The following RANBP2 variants were observed in gnomAD, a reference collection of about 807,000 sequenced individuals.
RANBP2 encodes the protein RAN binding protein 2.
In RANBP2, 57 loss-of-function variants were observed where a neutral mutation model predicts 303.6. That is an observed-to-expected ratio of 0.19 (90% CI 0.15 to 0.23). The LOEUF (loss-of-function observed/expected upper bound fraction) is 0.23, where lower values mean the gene tolerates loss of function less well. RANBP2 is among the 10% of genes least tolerant of loss of function. The pLI is 1.00. For missense variants in RANBP2, 3,138 were observed against 3,780.8 expected, an observed-to-expected ratio of 0.83 and a Z score of 4.46; for synonymous variants, 1,167 against 1,301.5, an observed-to-expected ratio of 0.90 and a Z score of 2.23.
At chr2:109,168,903 C>T in the RANBP2 span, among the ~76,000 whole-genome samples, 1 of 152,214 alleles carries the variant, frequency 6.6e-6, no homozygotes, top group African/African-American at 2.4e-5. Flanking sequence ...TCTGCTGTAT[C>T]TTCAGGACTC....
At chr2:109,155,515 G>A in the RANBP2 span, among the ~76,000 whole-genome samples, 537 of 152,176 alleles carry the variant, frequency 3.5e-3, 1 homozygote, top group African/African-American at 0.012. Context: ...GTTAGCCAGG[G>A]TGGTCTCGAT....
the RANBP2 span, among the ~76,000 whole-genome samples, chr2:109,538,507 T>A: frequency 1.3e-5 from 2 of 152,206 alleles, no homozygotes; most frequent in Non-Finnish European, 2.9e-5. Flanking sequence ...CTGACCTTCA[T>A]GGGAACTTTA....
chr2:109,687,790 T>A, the RANBP2 span, among the ~76,000 whole-genome samples: 1 of 150,312 alleles, frequency 6.7e-6, no homozygotes, highest in Non-Finnish European at 1.5e-5. Context: ...TTGCTGAGGA[T>A]GGAGTGCAGT....
the RANBP2 span, among the ~76,000 whole-genome samples, chr2:109,470,776 A>G: frequency 6.6e-6 from 1 of 152,244 alleles, no homozygotes; most frequent in African/African-American, 2.4e-5. Flanking sequence ...TCCACAGGCC[A>G]CAGCTTAGAG....
chr2:109,760,439 G>T, the RANBP2 span: 1 of 954,534 alleles, frequency 1.0e-6, no homozygotes, highest in South Asian at 4.8e-5. Flanking sequence ...GCGCAGGGCC[G>T]GGGGCGGCGG....
At chr2:108,828,217 A>G in the RANBP2 span, among the ~76,000 whole-genome samples, 2 of 152,254 alleles carry the variant, frequency 1.3e-5, no homozygotes, top group African/African-American at 4.8e-5. Flanking sequence ...AAACCCAAAA[A>G]TATAACATTA....
the RANBP2 span, among the ~76,000 whole-genome samples, chr2:109,220,659 T>C: frequency 6.6e-6 from 1 of 152,188 alleles, no homozygotes; most frequent in African/African-American, 2.4e-5. Flanking sequence ...AGTAAGCACA[T>C]GAAAAGATGC....
chr2:109,582,492 T>A, the RANBP2 span, among the ~76,000 whole-genome samples: 160 of 152,150 alleles, frequency 1.1e-3, no homozygotes, highest in Non-Finnish European at 2.1e-3. Context: ...GTTAATTTTT[T>A]AAAATTTTTT....
chr2:109,627,691 C>T, the RANBP2 span, among the ~76,000 whole-genome samples: 1 of 152,230 alleles, frequency 6.6e-6, no homozygotes, highest in Non-Finnish European at 1.5e-5. Context: ...TGACACTCTC[C>T]TGACTTCTAA....
chr2:108,809,403 G>T, the RANBP2 span, among the ~76,000 whole-genome samples: 1 of 150,302 alleles, frequency 6.7e-6, no homozygotes, highest in Non-Finnish European at 1.5e-5. Flanking sequence ...GATGACTTTG[G>T]TTATTTTGAC....
the RANBP2 span, among the ~76,000 whole-genome samples, chr2:109,227,775 T>C: frequency 6.6e-6 from 1 of 152,178 alleles, no homozygotes; most frequent in Admixed American, 6.5e-5. Flanking sequence ...TCTGGGTAGG[T>C]CACCCCCCAG....
the RANBP2 span, among the ~76,000 whole-genome samples, chr2:108,950,898 C>T: frequency 6.6e-6 from 1 of 152,218 alleles, no homozygotes; most frequent in African/African-American, 2.4e-5. Context: ...TTAACCAGGC[C>T]CCCAGGAAGG....
the RANBP2 span, among the ~76,000 whole-genome samples, chr2:109,691,078 A>C: frequency 6.6e-6 from 1 of 152,320 alleles, no homozygotes; most frequent in South Asian, 2.1e-4. Flanking sequence ...GACAGAGCAA[A>C]GACCTTGGAT....
At chr2:109,608,251 A>T in the RANBP2 span, among the ~76,000 whole-genome samples, 1 of 152,254 alleles carries the variant, frequency 6.6e-6, no homozygotes, top group African/African-American at 2.4e-5. Context: ...CTATTTGTCC[A>T]TGAGAGACTG....
chr2:109,287,961 G>T, the RANBP2 span, among the ~76,000 whole-genome samples: 7 of 152,214 alleles, frequency 4.6e-5, no homozygotes, highest in Non-Finnish European at 7.3e-5. Flanking sequence ...GCCAGAGAAA[G>T]GTTCAAGTTC....
At chr2:108,893,975 G>A in the RANBP2 span, among the ~76,000 whole-genome samples, 1 of 151,612 alleles carries the variant, frequency 6.6e-6, no homozygotes, top group African/African-American at 2.4e-5. Context: ...CTTTCTTTTA[G>A]AGAGCCTCTC....
chr2:109,371,746 G>T, the RANBP2 span: 1 of 1,412,166 alleles, frequency 7.1e-7, no homozygotes, highest in Non-Finnish European at 9.9e-7. Context: ...CTACAGTGGG[G>T]TCACCTGACC....
At chr2:108,731,061 G>T (rs1287572144) in intron 3 of RANBP2, among the ~76,000 whole-genome samples, 176 bp downstream of exon 3, 1 of 152,126 alleles carries the variant, frequency 6.6e-6, no homozygotes, top group African/African-American at 2.4e-5. Context: ...CCTATAAATT[G>T]TAAGTCTAAC....
chr2:109,629,014 CCAA>C, the RANBP2 span, among the ~76,000 whole-genome samples: 1 of 151,484 alleles, frequency 6.6e-6, no homozygotes, highest in Non-Finnish European at 1.5e-5. Context: ...GACCAGCTGA[CCAA>C]CATGGTAAAA....
Sources: gnomAD v4.1 joint callset for allele counts (sites outside exome capture counted in the v4.1 genomes callset) on GRCh38, gnomAD v4.1.1 for gene constraint, MANE v1.5 for transcripts, NCBI Gene and HGNC (gene_info 2026-07-23, HGNC 2026-07-21) for gene names.